Variants in PDZRN3 observed in about 807,000 individuals in gnomAD.
PDZRN3 encodes the protein E3 ubiquitin-protein ligase PDZRN3.
A neutral mutation model predicts 85.7 loss-of-function variants in PDZRN3; 38 were observed. The observed-to-expected ratio is 0.44, with a 90% confidence interval of 0.34 to 0.58. PDZRN3 has a LOEUF of 0.58. Among genes scored for constraint, PDZRN3 ranks in the 20% least tolerant of loss-of-function variants. The probability of loss-of-function intolerance (pLI) is 0.01; values close to 1 mark genes in which losing one functional copy is unlikely to be tolerated. For synonymous variants in PDZRN3, 759 were observed against 638.0 expected, an observed-to-expected ratio of 1.19 and a Z score of -2.86; for missense variants, 1,629 against 1,506.4, an observed-to-expected ratio of 1.08 and a Z score of -1.35.
At chr3:73,420,879 C>A (rs1245426853) in intron 3 of PDZRN3, among the ~76,000 whole-genome samples, 1 of 152,182 alleles carries the variant, frequency 6.6e-6, no homozygotes, top group Non-Finnish European at 1.5e-5. Context: ...AGAGTATTTG[C>A]ATCCTCCCAT....
intron 3 of PDZRN3, among the ~76,000 whole-genome samples, chr3:73,599,927 C>T (rs955089697): frequency 1.3e-5 from 2 of 152,142 alleles, no homozygotes; most frequent in African/African-American, 2.4e-5. Flanking sequence ...AATTATCTTC[C>T]TTTGATTTTC....
chr3:73,524,004 G>A (rs1575708076), intron 3 of PDZRN3, among the ~76,000 whole-genome samples: 1 of 152,224 alleles, frequency 6.6e-6, no homozygotes, highest in East Asian at 1.9e-4. Context: ...GTAATGGATA[G>A]TTTCAGTGAA....
chr3:73,590,076 C>T (rs1702334040), intron 3 of PDZRN3, among the ~76,000 whole-genome samples: 1 of 151,906 alleles, frequency 6.6e-6, no homozygotes, highest in Non-Finnish European at 1.5e-5. Context: ...CAAGACCCTC[C>T]TGGAAAACAT....
At chr3:73,572,972 G>A (rs1407494034) in intron 3 of PDZRN3, among the ~76,000 whole-genome samples, 1 of 152,196 alleles carries the variant, frequency 6.6e-6, no homozygotes. Flanking sequence ...ATTAGCAAAA[G>A]GGAGGTTTTA....
chr3:73,474,349 G>C (rs981932184), intron 3 of PDZRN3: 5 of 534,474 alleles, frequency 9.4e-6, no homozygotes, highest in Non-Finnish European at 1.4e-5. Flanking sequence ...CTTTACCTAT[G>C]CAGTATTTCT....
At chr3:73,412,302 T>C (rs1253895527) in intron 3 of PDZRN3, among the ~76,000 whole-genome samples, 1 of 152,132 alleles carries the variant, frequency 6.6e-6, no homozygotes, top group Non-Finnish European at 1.5e-5. Flanking sequence ...ATAAATACCT[T>C]GAATAAACTT....
intron 3 of PDZRN3, among the ~76,000 whole-genome samples, chr3:73,495,949 C>A (rs1703857829): frequency 1.3e-5 from 2 of 151,898 alleles, no homozygotes; most frequent in Admixed American, 1.3e-4. Flanking sequence ...TAATTCCCTA[C>A]CCTTCCCCCT....
intron 3 of PDZRN3, among the ~76,000 whole-genome samples, chr3:73,471,846 A>C (rs143915617): frequency 6.6e-6 from 1 of 152,344 alleles, no homozygotes; most frequent in East Asian, 1.9e-4. Flanking sequence ...TTAGATTAAA[A>C]ATTTACCATG....
intron 3 of PDZRN3, among the ~76,000 whole-genome samples, chr3:73,576,729 C>G (rs1486896344): frequency 2.0e-5 from 3 of 152,166 alleles, no homozygotes; most frequent in African/African-American, 7.2e-5. Context: ...TGTTGATAGA[C>G]ATGAATATCT....
intron 3 of PDZRN3, among the ~76,000 whole-genome samples, chr3:73,579,935 C>A (rs192869726): frequency 6.6e-6 from 1 of 151,954 alleles, no homozygotes; most frequent in South Asian, 2.1e-4. Context: ...CAAATCTCAC[C>A]GAAGCAGCAA....
At chr3:73,551,200 A>AT (rs1701543737) in intron 3 of PDZRN3, among the ~76,000 whole-genome samples, 1 of 152,120 alleles carries the variant, frequency 6.6e-6, no homozygotes. Flanking sequence ...AAGAAAATGT[A>AT]TTTTTTTGAG....
rs560964546 is a variant in PDZRN3, at chr3:73,614,638, C to T, written c.724-5954G>A. On this transcript the variant is annotated intron_variant, in intron 1 of 9. Coordinates refer to ENST00000263666, the MANE Select transcript of PDZRN3 (RefSeq NM_015009.3). ...CAAAGACTCACTAGTCTTCACACAGCTGGGAAACAGCTCTGTCTGTTGACT... is the reference window on the plus strand; with the variant it reads ...CAAAGACTCACTAGTCTTCACACAGTTGGGAAACAGCTCTGTCTGTTGACT... 3.3e-5 allele frequency among the ~76,000 whole-genome samples: 5 copies of T among 152,292 alleles called. No individual in the cohort carries two copies. In the South Asian group the frequency reaches 1.0e-3, roughly 32 times the overall value.
intron 3 of PDZRN3, among the ~76,000 whole-genome samples, chr3:73,583,155 C>T (rs1418335863): frequency 6.6e-6 from 1 of 152,196 alleles, no homozygotes; most frequent in African/African-American, 2.4e-5. Context: ...AATCAGCACA[C>T]CTACCTTATG....
chr3:73,580,071 A>G lies in PDZRN3; in HGVS notation c.918+22283T>C, dbSNP rs1039519226. ...TCTCCATATTCTGTAAAGTGCTCCT[A>G]TGGGTGTTGATTTATTCAGCTGAAA... is the stretch of plus-strand genomic sequence containing the variant. On this transcript the variant is annotated intron_variant, in intron 3 of 9. Coordinates refer to ENST00000263666, the MANE Select transcript of PDZRN3 (RefSeq NM_015009.3). 2.6e-5 allele frequency among the ~76,000 whole-genome samples: 4 copies of G among 152,212 alleles called. No homozygotes were observed. In the East Asian group the frequency reaches 5.8e-4, roughly 22 times the overall value.
chr3:73,519,457 G>T (rs923691498), intron 3 of PDZRN3, among the ~76,000 whole-genome samples: 3 of 152,204 alleles, frequency 2.0e-5, no homozygotes, highest in African/African-American at 7.2e-5. Flanking sequence ...ATGAGAGAAA[G>T]AAGGAACTTT....
intron 3 of PDZRN3, among the ~76,000 whole-genome samples, chr3:73,515,998 A>G (rs1425711200): frequency 1.3e-5 from 2 of 152,356 alleles, no homozygotes; most frequent in South Asian, 4.1e-4. Flanking sequence ...ACTTCTATAA[A>G]TGCTTGCCAC....
At chr3:73,569,459 T>C in intron 3 of PDZRN3, 1 of 1,123,410 alleles carries the variant, frequency 8.9e-7, no homozygotes, top group Non-Finnish European at 1.1e-6. Context: ...CCGAGGCGTC[T>C]ACACTGACAA....
chr3:73,534,757 T>C (rs1472489595), intron 3 of PDZRN3, among the ~76,000 whole-genome samples: 1 of 152,244 alleles, frequency 6.6e-6, no homozygotes. Context: ...CTTTTGACAC[T>C]GATGATTCTA....
intron 3 of PDZRN3, among the ~76,000 whole-genome samples, chr3:73,576,860 AAACAATGAGACT>A (rs1054234651): frequency 6.6e-5 from 10 of 152,202 alleles, no homozygotes; most frequent in Non-Finnish European, 1.5e-5. Context: ...ATTTCTGGAG[AAACAATGAGACT>A]AAATTAGAAT....
Sources: gnomAD v4.1 joint callset for allele counts (sites outside exome capture counted in the v4.1 genomes callset) on GRCh38, gnomAD v4.1.1 for gene constraint, MANE v1.5 for transcripts, NCBI Gene and HGNC (gene_info 2026-07-23, HGNC 2026-07-21) for gene names.